The following CACNA1B variants were observed in gnomAD, a reference collection of about 807,000 sequenced individuals.
CACNA1B encodes calcium voltage-gated channel subunit alpha1 B, also known as voltage-dependent N-type calcium channel subunit alpha-1B.
In CACNA1B, 70 loss-of-function variants were observed where a neutral mutation model predicts 247.2. The ratio of observed to expected loss-of-function variants is 0.28; its 90% CI spans 0.23 to 0.35. The LOEUF (loss-of-function observed/expected upper bound fraction) is 0.35. CACNA1B is among the 10% of genes least tolerant of loss of function. The pLI is 1.00. For missense variants in CACNA1B, 2,367 were observed against 3,197.4 expected, an observed-to-expected ratio of 0.74 and a Z score of 6.26; for synonymous variants, 1,231 against 1,294.4, an observed-to-expected ratio of 0.95 and a Z score of 1.05.
chr9:137,937,965 A>G (rs910147021), intron 6 of CACNA1B, among the ~76,000 whole-genome samples: 12 of 148,830 alleles, frequency 8.1e-5, no homozygotes, highest in African/African-American at 2.9e-4. Context: ...AAAAAAAAAA[A>G]AAAAAAAAAA....
At chr9:138,039,834 G>GT (rs1231954482) in intron 20 of CACNA1B, among the ~76,000 whole-genome samples, 1 of 151,958 alleles carries the variant, frequency 6.6e-6, no homozygotes, top group African/African-American at 2.4e-5. Context: ...TGAGCTCTGA[G>GT]TTTTTTATAT....
At chr9:138,105,085 G>A (rs1021863765) in intron 38 of CACNA1B, among the ~76,000 whole-genome samples, 4 of 152,244 alleles carry the variant, frequency 2.6e-5, no homozygotes, top group African/African-American at 9.6e-5. Context: ...CCAGCAGCAG[G>A]AGCTGCCTTG....
Position 137,917,070 on chromosome 9 carries a change from C to T in CACNA1B, c.776-171C>T, listed in dbSNP as rs1335499008. On this transcript the variant is annotated intron_variant, in intron 5 of 46. Coordinates refer to ENST00000371372, the MANE Select transcript of CACNA1B (RefSeq NM_000718.4). This position sits in a 1 kb window ranked among gnomAD's most constrained non-coding sequence, Gnocchi z 5.5. ...TCGTGAGCTCGGGGTCAGCAAGAGG[C>T]GATGCCTGATGCAGATTCGAGGAGG... is the stretch of plus-strand genomic sequence containing the variant. Among the ~76,000 whole-genome samples, 4 of 152,040 alleles carry T rather than the reference C, an allele frequency of 2.6e-5. No homozygotes were observed. The highest frequency in any genetic ancestry group is 7.2e-5 in the African/African-American group (3 of 41,406).
chr9:137,950,158 C>T lies in CACNA1B; in HGVS notation c.967-2116C>T, dbSNP rs1197261552. Among the ~76,000 whole-genome samples the T allele has an allele frequency of 6.6e-6, 1 of 152,194 alleles. No individual in the cohort carries two copies. The highest frequency in any genetic ancestry group is 2.4e-5 in the African/African-American group (1 of 41,434). On this transcript the variant is annotated intron_variant, in intron 6 of 46. Coordinates refer to ENST00000371372, the MANE Select transcript of CACNA1B (RefSeq NM_000718.4). This position sits in a 1 kb window ranked among gnomAD's most constrained non-coding sequence, Gnocchi z 4.8. ...GACTTATGGTAGCGTGTTCTCCTTA[C>T]TGCTGGGCGGGGGTGGCCGGTCTGG...
intron 3 of CACNA1B, among the ~76,000 whole-genome samples, chr9:137,889,023 C>G (rs1434990269): frequency 6.7e-6 from 1 of 150,356 alleles, no homozygotes; most frequent in Non-Finnish European, 1.5e-5. Context: ...TGTCTGAACA[C>G]AGGTGACAGC....
intron 12 of CACNA1B, among the ~76,000 whole-genome samples, chr9:137,981,298 T>A (rs1958290687): frequency 6.6e-6 from 1 of 152,180 alleles, no homozygotes; most frequent in Non-Finnish European, 1.5e-5. Flanking sequence ...TGTTGAGATC[T>A]GGAGAGGCTA....
rs559441157 is a variant in CACNA1B at position 138,015,486 on chromosome 9, C to T, written c.2267+2251C>T. Reference sequence around the variant, plus strand: ...CCTGTTCTCCTGGTGGGACGAGCAGCGCTGCCTCCTGCCCTGCTCTCATTT... The same window carrying T: ...CCTGTTCTCCTGGTGGGACGAGCAGTGCTGCCTCCTGCCCTGCTCTCATTT... On this transcript the variant is annotated intron_variant, in intron 18 of 46. Coordinates refer to ENST00000371372, the MANE Select transcript of CACNA1B (RefSeq NM_000718.4). 9.2e-4 allele frequency among the ~76,000 whole-genome samples: 136 copies of T among 147,052 alleles called. 2 individuals carry two copies. Among genetic ancestry groups the T allele is most frequent in the Non-Finnish European group, 1.5e-3 (105 of 68,024 alleles).
intron 36 of CACNA1B, among the ~76,000 whole-genome samples, chr9:138,080,538 G>T (rs964666338): frequency 3.3e-5 from 5 of 152,196 alleles, no homozygotes; most frequent in African/African-American, 1.2e-4. Context: ...GCTGATGGGT[G>T]AGAAGGTTCA....
At chr9:138,099,323 A>G (rs2131345850) in intron 37 of CACNA1B, among the ~76,000 whole-genome samples, 1 of 137,678 alleles carries the variant, frequency 7.3e-6, no homozygotes, top group East Asian at 2.1e-4. Flanking sequence ...GTGTGTGCAC[A>G]TATGATTGTA....
At chr9:138,099,012 G>A (rs1198129088) in intron 37 of CACNA1B, among the ~76,000 whole-genome samples, 3 of 152,240 alleles carry the variant, frequency 2.0e-5, no homozygotes, top group African/African-American at 4.8e-5. Flanking sequence ...TGTGACAAAC[G>A]CAGTGATGTA....
intron 20 of CACNA1B, among the ~76,000 whole-genome samples, chr9:138,030,761 T>C (rs1389302239): frequency 6.6e-6 from 1 of 152,248 alleles, no homozygotes; most frequent in Non-Finnish European, 1.5e-5. Context: ...TACAGTGTTA[T>C]CTATTTCATA....
chr9:138,114,981 A>T (rs539374527), intron 41 of CACNA1B, among the ~76,000 whole-genome samples: 1 of 152,240 alleles, frequency 6.6e-6, no homozygotes, highest in South Asian at 2.1e-4. Flanking sequence ...TTCGGTGACC[A>T]TATGTAGTCT....
Position 138,062,122 on chromosome 9 carries a change from G to A in CACNA1B, c.4668+2385G>A, listed in dbSNP as rs563909291. On this transcript the variant is annotated intron_variant, in intron 31 of 46. Transcript: ENST00000371372. ...GGCCCATCTGTCTGCCTCTCACCTAGACCTTGTTCCCTCCAGGATCCTGAC... is the reference window on the plus strand; with the variant it reads ...GGCCCATCTGTCTGCCTCTCACCTAAACCTTGTTCCCTCCAGGATCCTGAC... 2.7e-4 allele frequency among the ~76,000 whole-genome samples: 41 copies of A among 152,310 alleles called. 1 individual carries two copies. Among genetic ancestry groups the A allele is most frequent in the South Asian group, 1.9e-3 (9 of 4,828 alleles).
At chr9:137,892,435 C>T (rs1293898680) in intron 3 of CACNA1B, 3 of 441,860 alleles carry the variant, frequency 6.8e-6, no homozygotes, top group Admixed American at 2.4e-5. Context: ...GTTGCTGGTG[C>T]ATCATTGCAT....
intron 16 of CACNA1B, among the ~76,000 whole-genome samples, chr9:138,009,596 G>C (rs1343622432): frequency 6.6e-6 from 1 of 152,214 alleles, no homozygotes; most frequent in Non-Finnish European, 1.5e-5. Flanking sequence ...TTGTGGGGAG[G>C]CTTCTTGTGC....
In CACNA1B at chr9:138,010,811, C is replaced by A. The variant is rs920893750; in HGVS notation, c.2160+734C>A. Among the ~76,000 whole-genome samples the A allele has an allele frequency of 3.3e-5, 5 of 152,216 alleles. No homozygotes were observed. Among genetic ancestry groups the A allele is most frequent in the African/African-American group, 1.2e-4 (5 of 41,456 alleles). The stretch of plus-strand genomic sequence containing the variant: ...CCTGTGCATGTCTAGGGGTCTGACA[C>A]AGTTCTGTCACTCCAGTCCAGTGTC... On this transcript the variant is annotated intron_variant, in intron 17 of 46. Coordinates refer to ENST00000371372, the MANE Select transcript of CACNA1B (RefSeq NM_000718.4). This position sits in a 1 kb window ranked among gnomAD's most constrained non-coding sequence, Gnocchi z 5.3.
Position 138,023,387 on chromosome 9 carries a change from C to A in CACNA1B, c.2644C>A (p.Arg882=). ...PKAESGEPGA[R]EERPRPHRSH... is the part of the protein sequence containing the mutation. Reference sequence around the variant, plus strand: ...GGCGGAGAGCGGGGAGCCCGGTGCCCGGGAGGAGCGGCCGCGGCCGCACCG... The same window carrying A: ...GGCGGAGAGCGGGGAGCCCGGTGCCAGGGAGGAGCGGCCGCGGCCGCACCG... Residue 882 remains arginine (R), a synonymous_variant, in exon 19 of 47, where the codon CGG becomes AGG. Transcript: ENST00000371372. 1 of 1,284,542 alleles carries A rather than the reference C, an allele frequency of 7.8e-7. No individual in the cohort carries two copies. The highest frequency in any genetic ancestry group is 9.8e-7 in the Non-Finnish European group (1 of 1,015,802). 79.6% of individuals were successfully genotyped at this position (1,284,542 alleles called of 1,614,324 possible).
chr9:137,923,517 G>A (rs954328701), intron 6 of CACNA1B, among the ~76,000 whole-genome samples: 3 of 151,650 alleles, frequency 2.0e-5, no homozygotes, highest in East Asian at 1.9e-4. Flanking sequence ...GTGGTATTCC[G>A]TGGTGCCAGG....
chr9:138,059,638 T>C lies in CACNA1B; in HGVS notation c.4585-16T>C. 6.5e-7 allele frequency: 1 copy of C among 1,527,034 alleles called. No individual in the cohort carries two copies. The highest frequency in any genetic ancestry group is 9.1e-7 in the Non-Finnish European group (1 of 1,100,734). The allele number at this position is 1,527,034 out of a possible 1,614,324, so 94.6% of individuals were successfully genotyped here. ...CTCATCAGCCGCTGGCACTAACTGC[T>C]CTTCTTTTTCTCTAGAACTATTTCA... On this transcript the variant is annotated splice_polypyrimidine_tract_variant and intron_variant, in intron 30 of 46. Coordinates refer to ENST00000371372, the MANE Select transcript of CACNA1B (RefSeq NM_000718.4). This position sits in a 1 kb window ranked among gnomAD's most constrained non-coding sequence, Gnocchi z 4.2.
Sources: gnomAD v4.1 joint callset for allele counts (sites outside exome capture counted in the v4.1 genomes callset) on GRCh38, gnomAD v4.1.1 for gene constraint, Gnocchi (gnomAD v3.1) non-coding constraint, MANE v1.5 for transcripts, NCBI Gene and HGNC (gene_info 2026-07-23, HGNC 2026-07-21) for gene names.